SWAP70: variants seen among roughly 807,000 people sequenced by gnomAD.
SWAP70 encodes switching B cell complex subunit SWAP70, also known as switch-associated protein 70.
A neutral mutation model predicts 80.2 loss-of-function variants in SWAP70; 34 were observed. The ratio of observed to expected loss-of-function variants is 0.42; its 90% CI spans 0.32 to 0.56. The LOEUF (loss-of-function observed/expected upper bound fraction) is 0.56, where lower values mean the gene tolerates loss of function less well. SWAP70 is among the 20% of genes least tolerant of loss of function. The pLI is 0.09. For missense variants in SWAP70, 578 were observed against 690.7 expected (o/e 0.84, Z 1.83); for synonymous variants, 239 against 238.5 (o/e 1.00, Z -0.02).
At chr11:9,732,921 A>T (rs1049770270) in intron 7 of SWAP70, among the ~76,000 whole-genome samples, 2 of 150,178 alleles carry the variant, frequency 1.3e-5, no homozygotes, top group African/African-American at 4.9e-5. Flanking sequence ...GGCAGCAAAA[A>T]CATTTCATTG....
intron 4 of SWAP70, among the ~76,000 whole-genome samples, chr11:9,725,544 TATATATATATATATATATATA>T (rs1564829383): frequency 1.1e-4 from 1 of 8,832 alleles, no homozygotes; most frequent in African/African-American, 3.4e-4. Flanking sequence ...TATATATATA[TATATATATATATATATATATA>T]TATATTTTTT....
intron 1 of SWAP70, among the ~76,000 whole-genome samples, chr11:9,672,765 G>A (rs1850435584): frequency 6.6e-6 from 1 of 151,504 alleles, no homozygotes; most frequent in Admixed American, 6.6e-5. Context: ...GGCCTTGAGG[G>A]CCCCCAGTGT....
rs1247028673 is a variant in SWAP70, at chr11:9,752,452, C to T, written c.*2482C>T. The stretch of plus-strand genomic sequence containing the variant: ...AATGCATAGTGTTACCGATTTACAT[C>T]TTGGTTTTCAGTGGCACTATGTCTA... On this transcript the variant is annotated 3_prime_UTR_variant, in exon 12 of 12. Coordinates refer to ENST00000318950, the MANE Select transcript of SWAP70 (RefSeq NM_015055.4). The T allele has an allele frequency of 6.6e-6, 1 of 152,222 alleles. No individual in the cohort carries two copies. Among genetic ancestry groups the T allele is most frequent in the East Asian group, 1.9e-4 (1 of 5,206 alleles). 9.4% of individuals were successfully genotyped at this position (152,222 alleles called of 1,614,324 possible).
chr11:9,664,381 G>C (rs975417735), intron 1 of SWAP70, 103 bp downstream of exon 1: 2 of 1,359,024 alleles, frequency 1.5e-6, no homozygotes. Flanking sequence ...GCAGGGCGGG[G>C]CGGGTCGGAA....
At chr11:9,698,800 C>CA (rs1466265472) in intron 2 of SWAP70, among the ~76,000 whole-genome samples, 2 of 151,426 alleles carry the variant, frequency 1.3e-5, no homozygotes, top group Non-Finnish European at 2.9e-5. Context: ...TTTAATTGAC[C>CA]AAAAAAATAT....
chr11:9,690,730 A>C (rs1303851447), intron 1 of SWAP70, among the ~76,000 whole-genome samples: 8 of 152,062 alleles, frequency 5.3e-5, no homozygotes, highest in Non-Finnish European at 1.2e-4. Context: ...TCTATTTTTA[A>C]AAAATACAAA....
chr11:9,671,764 A>ATT (rs1850408854), intron 1 of SWAP70, among the ~76,000 whole-genome samples: 1 of 27,584 alleles, frequency 3.6e-5, no homozygotes, highest in Non-Finnish European at 9.2e-5. Context: ...ATATAAATAT[A>ATT]TAATATAAAT....
chr11:9,688,253 A>G (rs541151342), intron 1 of SWAP70, among the ~76,000 whole-genome samples: 10 of 152,334 alleles, frequency 6.6e-5, no homozygotes, highest in African/African-American at 2.2e-4. Context: ...TGGGCATGCA[A>G]TGTTGTATAA....
At chr11:9,672,093 ATATAAT>A (rs1420645438) in intron 1 of SWAP70, among the ~76,000 whole-genome samples, 4 of 129,116 alleles carry the variant, frequency 3.1e-5, no homozygotes, top group African/African-American at 5.8e-5. Context: ...AATAATTTAA[ATATAAT>A]TATAATATAA....
At chr11:9,689,772 A>G (rs1332622604) in intron 1 of SWAP70, among the ~76,000 whole-genome samples, 4 of 152,154 alleles carry the variant, frequency 2.6e-5, no homozygotes, top group Non-Finnish European at 5.9e-5. Context: ...GCTCCCAGAG[A>G]GAGAACGGTC....
intron 6 of SWAP70, among the ~76,000 whole-genome samples, chr11:9,730,857 G>C (rs1041888943): frequency 6.6e-6 from 1 of 152,126 alleles, no homozygotes; most frequent in Non-Finnish European, 1.5e-5. Context: ...GAAGTTTGGG[G>C]TATGATTGAA....
intron 10 of SWAP70, among the ~76,000 whole-genome samples, chr11:9,748,639 GTCCC>G (rs557537477): frequency 1.3e-3 from 193 of 152,330 alleles, no homozygotes; most frequent in African/African-American, 4.2e-3. Context: ...TAGAAGAAAA[GTCCC>G]TCCCTCCTCG....
At chr11:9,668,319 C>T (rs1034271697) in intron 1 of SWAP70, among the ~76,000 whole-genome samples, 6 of 152,140 alleles carry the variant, frequency 3.9e-5, no homozygotes, top group African/African-American at 9.7e-5. Flanking sequence ...ATAGGAAAAG[C>T]GTCTTGGCAG....
intron 1 of SWAP70, among the ~76,000 whole-genome samples, chr11:9,682,418 G>T (rs1409127939): frequency 2.0e-5 from 3 of 152,192 alleles, no homozygotes; most frequent in Non-Finnish European, 4.4e-5. Flanking sequence ...AAAGTGATGA[G>T]ATCTCATTTG....
chr11:9,738,376 G>C, intron 8 of SWAP70, 56 bp downstream of exon 8: 2 of 1,332,306 alleles, frequency 1.5e-6, no homozygotes, highest in Non-Finnish European at 2.1e-6. Context: ...GGGTCGGTGG[G>C]AACAGGGAAG....
chr11:9,671,190 AT>A (rs1450945565), intron 1 of SWAP70, among the ~76,000 whole-genome samples: 2 of 105,712 alleles, frequency 1.9e-5, no homozygotes, highest in African/African-American at 7.7e-5. Context: ...ATAAAAATAT[AT>A]AAAATATATT....
chr11:9,699,970 C>T (rs960397252), intron 2 of SWAP70, among the ~76,000 whole-genome samples: 12 of 151,320 alleles, frequency 7.9e-5, no homozygotes, highest in Admixed American at 1.3e-4. Flanking sequence ...CTCAGAAATT[C>T]GAATTTGTTT....
Position 9,751,521 on chromosome 11 carries a change from T to G in SWAP70, c.*1551T>G, listed in dbSNP as rs573472282. The G allele has an allele frequency of 4.6e-5, 7 of 152,340 alleles. No individual in the cohort carries two copies. The East Asian group carries it at 1.3e-3, about 29-fold the overall frequency. 9.4% of individuals were successfully genotyped at this position (152,340 alleles called of 1,614,324 possible). On this transcript the variant is annotated 3_prime_UTR_variant, in exon 12 of 12. Transcript: ENST00000318950. ...CAGTTGTTGCAAAAAAAGGGCAGAATTCAGTAGAATAAAGTCCTTTTCTCT... is the reference window on the plus strand; with the variant it reads ...CAGTTGTTGCAAAAAAAGGGCAGAAGTCAGTAGAATAAAGTCCTTTTCTCT...
intron 1 of SWAP70, among the ~76,000 whole-genome samples, chr11:9,684,917 T>C (rs1017931188): frequency 6.6e-6 from 1 of 152,228 alleles, no homozygotes; most frequent in African/African-American, 2.4e-5. Flanking sequence ...AAATACGTAT[T>C]GCACAGATGG....
Sources: gnomAD v4.1 joint callset for allele counts (sites outside exome capture counted in the v4.1 genomes callset) on GRCh38, gnomAD v4.1.1 for gene constraint, MANE v1.5 for transcripts, NCBI Gene and HGNC (gene_info 2026-07-23, HGNC 2026-07-21) for gene names.